Variants in ACTR5 observed in about 807,000 individuals in gnomAD.
ACTR5 encodes the protein actin-related protein 5.
Under a neutral mutation model 61.2 loss-of-function variants are expected in ACTR5, and 43 were observed. The observed-to-expected ratio is 0.70, with a 90% CI of 0.55 to 0.91. The LOEUF (loss-of-function observed/expected upper bound fraction) is 0.91. Among genes scored for constraint, ACTR5 ranks in the 40% least tolerant of loss-of-function variants. The pLI, the probability that ACTR5 is intolerant of heterozygous loss-of-function variation, is 0.00. For missense variants in ACTR5, 798 were observed against 782.2 expected (o/e 1.02, Z -0.24); for synonymous variants, 333 against 310.5 (o/e 1.07, Z -0.76).
At chr20:38,756,822 T>G (rs2084422930) in intron 5 of ACTR5, among the ~76,000 whole-genome samples, 1 of 152,230 alleles carries the variant, frequency 6.6e-6, no homozygotes. Context: ...GAGAATCACT[T>G]GAACCTGGGA....
rs1477527422 is a variant in ACTR5 at position 38,748,468 on chromosome 20, C to T, written c.-11C>T. 2.7e-6 allele frequency: 4 copies of T among 1,470,118 alleles called. No individual in the cohort carries two copies. Among genetic ancestry groups the T allele is most frequent in the Non-Finnish European group, 3.6e-6 (4 of 1,119,548 alleles). 91.1% of individuals were successfully genotyped at this position (1,470,118 alleles called of 1,614,324 possible). Reference sequence around the variant, plus strand: ...CTGCGCCGAGGGGCGGGGCTGGACGCGCGCTCCAAGATGGCGGCGAACGTG... The same window carrying T: ...CTGCGCCGAGGGGCGGGGCTGGACGTGCGCTCCAAGATGGCGGCGAACGTG... On this transcript the variant is annotated 5_prime_UTR_variant, in exon 1 of 9. Coordinates refer to ENST00000243903, the MANE Select transcript of ACTR5 (RefSeq NM_024855.4).
chr20:38,752,737 T>C (rs1474670181), intron 3 of ACTR5, among the ~76,000 whole-genome samples: 1 of 152,240 alleles, frequency 6.6e-6, no homozygotes, highest in Non-Finnish European at 1.5e-5. Context: ...TTAGTTGCTA[T>C]TGTCACATGA....
intron 8 of ACTR5, among the ~76,000 whole-genome samples, chr20:38,770,589 T>C (rs1489386730): frequency 6.6e-6 from 1 of 152,260 alleles, no homozygotes; most frequent in Non-Finnish European, 1.5e-5. Context: ...CTATTAACCA[T>C]ATGTCTTGCT....
intron 5 of ACTR5, 112 bp from the exon 6 acceptor site, chr20:38,765,290 G>T (rs1008851235): frequency 4.0e-6 from 3 of 749,790 alleles, no homozygotes; most frequent in Non-Finnish European, 6.8e-6. Context: ...TAGTTTTTAT[G>T]TAAGGTTTTA....
intron 7 of ACTR5, among the ~76,000 whole-genome samples, chr20:38,767,141 G>T (rs958847812): frequency 6.6e-6 from 1 of 152,178 alleles, no homozygotes; most frequent in Non-Finnish European, 1.5e-5. Flanking sequence ...TTACTGGAAT[G>T]TATAAATTAG....
At chr20:38,756,909 A>AAAAT (rs374267713) in intron 5 of ACTR5, among the ~76,000 whole-genome samples, 6 of 152,306 alleles carry the variant, frequency 3.9e-5, no homozygotes, top group African/African-American at 9.6e-5. Context: ...CATCTCAAAA[A>AAAAT]AAATAAATAA....
intron 2 of ACTR5, among the ~76,000 whole-genome samples, chr20:38,751,871 T>C (rs2084388929): frequency 6.6e-6 from 1 of 152,294 alleles, no homozygotes; most frequent in Middle Eastern, 3.4e-3. Flanking sequence ...TTGAGAAATA[T>C]ATGACGAGAC....
chr20:38,766,248 A>C lies in ACTR5; in HGVS notation c.1304A>C (p.Asn435Thr). The C allele has an allele frequency of 6.2e-7, 1 of 1,608,974 alleles. No homozygotes were observed. The highest frequency in any genetic ancestry group is 1.1e-5 in the South Asian group (1 of 89,396). ...CTTGGGTTTTTAAAGCCCGTGTTTAACTTGGCAGCATATCATCAGCTATTT... is the reference window on the plus strand; with the variant it reads ...CTTGGGTTTTTAAAGCCCGTGTTTACCTTGGCAGCATATCATCAGCTATTT... Reference protein sequence around the residue: ...KPVTTVQPVFNLAAYHQLFVG... With the variant: ...KPVTTVQPVFTLAAYHQLFVG... The change falls in exon 7 of 9, where the codon AAC becomes ACC. Residue 435 changes from asparagine (N) to threonine (T), a missense_variant. Transcript: ENST00000243903.
At position 38,761,350 on chromosome 20, in the gene ACTR5, T is replaced by C. The variant is rs118155066; in HGVS notation, c.1177-4052T>C. On this transcript the variant is annotated intron_variant, in intron 5 of 8. Transcript: ENST00000243903. Reference sequence around the variant, plus strand: ...GAAGAAAAGAAAAATTCCTGGAGAATGCCACCACTTGAAAGTTAGGTGACA... The same window carrying C: ...GAAGAAAAGAAAAATTCCTGGAGAACGCCACCACTTGAAAGTTAGGTGACA... Among the ~76,000 whole-genome samples, 93 of 152,218 alleles carry C rather than the reference T, an allele frequency of 6.1e-4. 1 individual carries two copies. In the East Asian group the frequency reaches 0.012, roughly 19 times the overall value.
chr20:38,748,759 TGC>T lies in ACTR5; in HGVS notation c.284_285del (p.Arg95LeufsTer34). 1 of 1,602,096 alleles carries T rather than the reference TGC, an allele frequency of 6.2e-7. No individual in the cohort carries two copies. Among genetic ancestry groups the T allele is most frequent in the Non-Finnish European group, 8.5e-7 (1 of 1,175,934 alleles). On this transcript the variant is annotated frameshift_variant, in exon 1 of 9. Transcript: ENST00000243903. LOFTEE classifies it high-confidence loss of function. ...AGCCTGGAGCCACTGCGCTGGATGC[TGC>T]GCTCGCCCTTCGACCGCAACGTGCC...
At position 38,765,392 on chromosome 20, in the gene ACTR5, C is replaced by T. The variant is rs768436470; in HGVS notation, c.1177-10C>T. 2 of 1,610,828 alleles carry T rather than the reference C, an allele frequency of 1.2e-6. No homozygotes were observed. Among genetic ancestry groups the T allele is most frequent in the South Asian group, 2.2e-5 (2 of 90,992 alleles). ...GTACAGGTTCTGTTTCATTTTGCTC[C>T]TTCTCTTAGACCCCTGACCTGGAGC... On this transcript the variant is annotated splice_polypyrimidine_tract_variant and intron_variant, in intron 5 of 8. Coordinates refer to ENST00000243903, the MANE Select transcript of ACTR5 (RefSeq NM_024855.4).
At chr20:38,763,989 A>G (rs1263051833) in intron 5 of ACTR5, among the ~76,000 whole-genome samples, 1 of 152,184 alleles carries the variant, frequency 6.6e-6, no homozygotes, top group African/African-American at 2.4e-5. Flanking sequence ...AGAATCATCT[A>G]TACTGAACAG....
At chr20:38,758,949 A>C (rs1407743879) in intron 5 of ACTR5, among the ~76,000 whole-genome samples, 1 of 152,202 alleles carries the variant, frequency 6.6e-6, no homozygotes, top group African/African-American at 2.4e-5. Context: ...AGGTCTCGAA[A>C]ATCTATTTTT....
At chr20:38,755,294 C>T (rs538066451) in intron 4 of ACTR5, 120 bp downstream of exon 4, 52 of 1,068,736 alleles carry the variant, frequency 4.9e-5, no homozygotes, top group Non-Finnish European at 6.3e-5. Flanking sequence ...TTTGGGGTCA[C>T]GAAGGAGTCC....
chr20:38,756,721 A>G (rs886365763), intron 5 of ACTR5, among the ~76,000 whole-genome samples: 19 of 152,252 alleles, frequency 1.2e-4, no homozygotes, highest in African/African-American at 4.1e-4. Flanking sequence ...CGTGGCCCAC[A>G]TGGCGAAACC....
chr20:38,766,763 A>G, intron 7 of ACTR5, among the ~76,000 whole-genome samples: 1 of 152,200 alleles, frequency 6.6e-6, no homozygotes, highest in Admixed American at 6.5e-5. Context: ...CATTTTACTT[A>G]TTTAAGAGTT....
Position 38,750,199 on chromosome 20 carries a change from GGATACCAGT to G in ACTR5, c.567_575del (p.Tyr190_Cys192del). Reference sequence around the variant, plus strand: ...GTGCAGTGGGCTAATCATTTCATCTGGATACCAGTGTACGCATGTTTTACCCATCTTAGA... The same window carrying G: ...GTGCAGTGGGCTAATCATTTCATCTGGTACGCATGTTTTACCCATCTTAGA... On this transcript the variant is annotated inframe_deletion, in exon 2 of 9. Coordinates refer to ENST00000243903, the MANE Select transcript of ACTR5 (RefSeq NM_024855.4). 1 of 1,614,178 alleles carries G rather than the reference GGATACCAGT, an allele frequency of 6.2e-7. No individual in the cohort carries two copies. The highest frequency in any genetic ancestry group is 8.5e-7 in the Non-Finnish European group (1 of 1,180,026).
intron 7 of ACTR5, 31 bp downstream of exon 7, chr20:38,766,408 C>G: frequency 1.3e-6 from 2 of 1,549,328 alleles, no homozygotes; most frequent in Non-Finnish European, 8.7e-7. Flanking sequence ...TTCCTTCTAT[C>G]TTCCTGAACC....
At chr20:38,749,150 A>G (rs1257227351) in intron 1 of ACTR5, among the ~76,000 whole-genome samples, 2 of 152,248 alleles carry the variant, frequency 1.3e-5, no homozygotes, top group African/African-American at 2.4e-5. Flanking sequence ...ATGTGTGAAC[A>G]CAAAACTTCC....
Sources: allele counts gnomAD v4.1 joint callset (sites outside exome capture counted in the v4.1 genomes callset), GRCh38; gene constraint gnomAD v4.1.1; transcripts MANE v1.5; gene names NCBI Gene and HGNC (gene_info 2026-07-23, HGNC 2026-07-21).